The following MCIDAS variants were observed in gnomAD, a reference collection of about 807,000 sequenced individuals.
MCIDAS encodes the protein multicilin.
A neutral mutation model predicts 35.4 loss-of-function variants in MCIDAS; 23 were observed. The observed-to-expected ratio is 0.65, with a 90% CI of 0.47 to 0.92. The LOEUF is 0.92. MCIDAS is among the 40% of genes least tolerant of loss of function. The pLI, the probability that MCIDAS is intolerant of heterozygous loss-of-function variation, is 0.00. For missense variants in MCIDAS, 480 were observed against 531.8 expected, an observed-to-expected ratio of 0.90 and a Z score of 0.96; for synonymous variants, 228 against 235.2, an observed-to-expected ratio of 0.97 and a Z score of 0.28.
At chr5:55,226,454 C>T (rs1309287674) in intron 3 of MCIDAS, 122 bp downstream of exon 3, 2 of 947,686 alleles carry the variant, frequency 2.1e-6, no homozygotes, top group Non-Finnish European at 3.1e-6. Flanking sequence ...AATGCTTCCC[C>T]TCACCAGCTG....
rs958740944 is a variant in MCIDAS at position 55,226,439 on chromosome 5, T to C, written c.309+137A>G. ...TTCTGATCTGGGAGGCTCAGGTGCCTGCACAATGCTTCCCCTCACCAGCTG... is the reference window on the plus strand; with the variant it reads ...TTCTGATCTGGGAGGCTCAGGTGCCCGCACAATGCTTCCCCTCACCAGCTG... On this transcript the variant is annotated intron_variant, in intron 3 of 6. Coordinates refer to ENST00000513312, the MANE Select transcript of MCIDAS (RefSeq NM_001190787.3). 3 of 799,578 alleles carry C rather than the reference T, an allele frequency of 3.8e-6. No individual in the cohort carries two copies. In the African/African-American group the frequency reaches 5.3e-5, roughly 14 times the overall value. 49.5% of individuals were successfully genotyped at this position (799,578 alleles called of 1,614,324 possible).
chr5:55,221,426 G>A (rs891062390), intron 5 of MCIDAS, among the ~76,000 whole-genome samples: 1 of 151,904 alleles, frequency 6.6e-6, no homozygotes, highest in Non-Finnish European at 1.5e-5. Flanking sequence ...TTGTAAAACG[G>A]GGCTAGTAAG....
At chr5:55,226,786 C>G in intron 2 of MCIDAS, 49 bp downstream of exon 2, 2 of 1,389,150 alleles carry the variant, frequency 1.4e-6, no homozygotes, top group East Asian at 3.0e-5. Flanking sequence ...GCGCCGCACC[C>G]TCCCGGCGCG....
chr5:55,226,914 C>T lies in MCIDAS; in HGVS notation c.138G>A (p.Lys46=). The T allele has an allele frequency of 7.0e-7, 1 of 1,428,072 alleles. No individual in the cohort carries two copies. Among genetic ancestry groups the T allele is most frequent in the Admixed American group, 2.8e-5 (1 of 35,850 alleles). The allele number at this position is 1,428,072 out of a possible 1,614,324, so 88.5% of individuals were successfully genotyped here. ...TCCCGCCTGTGCATCCGGGGAAGAA[C>T]TTCCGCGGAGGAGCGAACTGGCCGG... ...KPERKFAPPR[K]FFPGCTGGSP... Residue 46 remains lysine, a synonymous_variant, in exon 2 of 7, where the codon AAG becomes AAA. Coordinates refer to ENST00000513312, the MANE Select transcript of MCIDAS (RefSeq NM_001190787.3).
chr5:55,222,371 C>T lies in MCIDAS; in HGVS notation c.411G>A (p.Leu137=). The change falls in exon 5 of 7, where the codon CTG becomes CTA. Residue 137 remains leucine (L), a synonymous_variant. Coordinates refer to ENST00000513312, the MANE Select transcript of MCIDAS (RefSeq NM_001190787.3). ...SDSSSMMSPT[L]ASGDFPFSPC... Reference sequence around the variant, plus strand: ...GAGAGAAGGGGAAGTCTCCGCTGGCCAGGGTAGGCGACATCATAGAGGATG... The same window carrying T: ...GAGAGAAGGGGAAGTCTCCGCTGGCTAGGGTAGGCGACATCATAGAGGATG... 1 of 1,524,876 alleles carries T rather than the reference C, an allele frequency of 6.6e-7. No homozygotes were observed. Among genetic ancestry groups the T allele is most frequent in the South Asian group, 1.2e-5 (1 of 82,716 alleles). The allele number at this position is 1,524,876 out of a possible 1,614,324, so 94.5% of individuals were successfully genotyped here.
chr5:55,220,860 C>T (rs755700969), intron 6 of MCIDAS, 54 bp from the exon 7 acceptor site: 32 of 1,493,292 alleles, frequency 2.1e-5, no homozygotes, highest in Non-Finnish European at 2.8e-5. Context: ...CCTCCGGGTT[C>T]GGAGCGTGCA....
chr5:55,227,207 C>T lies in MCIDAS; in HGVS notation c.-69G>A, dbSNP rs990966111. On this transcript the variant is annotated 5_prime_UTR_variant, in exon 1 of 7. Coordinates refer to ENST00000513312, the MANE Select transcript of MCIDAS (RefSeq NM_001190787.3). ...CCGGGCTGGGGCAGCGATCCACACC[C>T]TGCACTCCCTTCAGTGCCTGCAGGC... 4 of 1,387,392 alleles carry T rather than the reference C, an allele frequency of 2.9e-6. No homozygotes were observed. In the African/African-American group the frequency reaches 4.6e-5, roughly 16 times the overall value. The allele number at this position is 1,387,392 out of a possible 1,614,324, so 85.9% of individuals were successfully genotyped here.
In MCIDAS at chr5:55,223,937, T is replaced by C. The variant is rs1745410679; in HGVS notation, c.310-914A>G. 6.6e-6 allele frequency among the ~76,000 whole-genome samples: 1 copy of C among 152,188 alleles called. No homozygotes were observed. The highest frequency in any genetic ancestry group is 2.4e-5 in the African/African-American group (1 of 41,446). On this transcript the variant is annotated intron_variant, in intron 3 of 6. Coordinates refer to ENST00000513312, the MANE Select transcript of MCIDAS (RefSeq NM_001190787.3). This position sits in a 1 kb window ranked among gnomAD's most constrained non-coding sequence, Gnocchi z 4.4. ...GGGTGTGTGAGAGGAAAGGAGACCC[T>C]AAGGGGCTGGAGGCGCATAGGCCTT...
At chr5:55,221,600 T>A (rs1291561659) in intron 5 of MCIDAS, among the ~76,000 whole-genome samples, 3 of 152,160 alleles carry the variant, frequency 2.0e-5, no homozygotes, top group Non-Finnish European at 4.4e-5. Flanking sequence ...CACTTGTACC[T>A]CTAAATCCCC....
In MCIDAS at chr5:55,220,540, T is replaced by C; in HGVS notation, c.984A>G (p.Thr328=). Residue 328 remains threonine, a synonymous_variant, in exon 7 of 7, where the codon ACA becomes ACG. Transcript: ENST00000513312. The part of the protein sequence containing the change: ...NLHGAFRGLR[T]DCSRSALNLS... ...GGTTCAACGCGCTCCGGCTGCAGTC[T>C]GTGCGCAGCCCCCGGAAGGCGCCAT... 6.5e-7 allele frequency: 1 copy of C among 1,536,074 alleles called. No individual in the cohort carries two copies. The highest frequency in any genetic ancestry group is 8.7e-7 in the Non-Finnish European group (1 of 1,146,884).
rs1411957122 is a variant in MCIDAS at position 55,220,576 on chromosome 5, G to A, written c.948C>T (p.Pro316=). 1.1e-5 allele frequency: 17 copies of A among 1,536,086 alleles called. No homozygotes were observed. Among genetic ancestry groups the A allele is most frequent in the Admixed American group, 2.0e-5 (1 of 51,010 alleles). The change falls in exon 7 of 7, where the codon CCC becomes CCT. Residue 316 remains proline (P), a synonymous_variant. Coordinates refer to ENST00000513312, the MANE Select transcript of MCIDAS (RefSeq NM_001190787.3). ...CCCGGAAGGCGCCATGCAGGTTCCC[G>A]GGCCTGGTGTCAGTATTCGCGGGCT... The part of the protein sequence containing the change: ...LPEPANTDTR[P]GNLHGAFRGL...
rs761064821 is a variant in MCIDAS, at chr5:55,227,061, C to G, written c.78G>C (p.Pro26=). Residue 26 remains proline, a synonymous_variant, in exon 1 of 7, where the codon CCG becomes CCC. Coordinates refer to ENST00000513312, the MANE Select transcript of MCIDAS (RefSeq NM_001190787.3). ...SICPNRMLAL[P]GRALLCKPGK... The stretch of plus-strand genomic sequence containing the variant: ...CCGGCTTGCAGAGCAGCGCCCGGCC[C>G]GGCAGTGCCAGCATTCTGTTGGGGC... The G allele has an allele frequency of 6.6e-7, 1 of 1,519,894 alleles. No homozygotes were observed. Among genetic ancestry groups the G allele is most frequent in the Non-Finnish European group, 8.8e-7 (1 of 1,140,364 alleles). 94.2% of individuals were successfully genotyped at this position (1,519,894 alleles called of 1,614,324 possible). A position where few individuals can be genotyped will look rare whatever the true frequency, so the allele number is the denominator to read the frequency against.
chr5:55,226,950 G>A lies in MCIDAS; in HGVS notation c.121-19C>T, dbSNP rs181955833. ...GAGCGAACTGGCCGGGCACACAAACGTTGAACGCGGGTCAGCCCTCGGGGC... is the reference window on the plus strand; with the variant it reads ...GAGCGAACTGGCCGGGCACACAAACATTGAACGCGGGTCAGCCCTCGGGGC... On this transcript the variant is annotated intron_variant, in intron 1 of 6. Coordinates refer to ENST00000513312, the MANE Select transcript of MCIDAS (RefSeq NM_001190787.3). 8 of 1,479,038 alleles carry A rather than the reference G, an allele frequency of 5.4e-6. No homozygotes were observed. The highest frequency in any genetic ancestry group is 1.7e-4 in the Middle Eastern group (1 of 5,752). 91.6% of individuals were successfully genotyped at this position (1,479,038 alleles called of 1,614,324 possible).
chr5:55,220,750 G>A lies in MCIDAS; in HGVS notation c.774C>T (p.Leu258=), dbSNP rs372120150. The change falls in exon 7 of 7, where the codon CTC becomes CTT. Residue 258 remains leucine, a synonymous_variant. Coordinates refer to ENST00000513312, the MANE Select transcript of MCIDAS (RefSeq NM_001190787.3). The part of the protein sequence containing the change: ...DCGAAAEPFL[L]KAKAKRSLEE... The stretch of plus-strand genomic sequence containing the variant: ...CCAGGCTCCTTTTGGCCTTCGCCTT[G>A]AGCAGGAAGGGCTCGGCCGCCGCCC... The A allele has an allele frequency of 8.9e-4, 1,373 of 1,534,914 alleles. 17 individuals are homozygous for A. The South Asian group carries it at 0.015, about 17-fold the overall frequency.
rs1191529327 is a variant in MCIDAS at position 55,222,256 on chromosome 5, G to C, written c.526C>G (p.Pro176Ala). 6.5e-7 allele frequency: 1 copy of C among 1,536,098 alleles called. No individual in the cohort carries two copies. The highest frequency in any genetic ancestry group is 8.7e-7 in the Non-Finnish European group (1 of 1,146,918). The change falls in exon 5 of 7, where the codon CCC (proline) becomes GCC (alanine). Residue 176 changes from proline to alanine, a missense_variant. By Grantham distance (27) the Pro-to-Ala change is conservative. Coordinates refer to ENST00000513312, the MANE Select transcript of MCIDAS (RefSeq NM_001190787.3). Reference protein sequence around the residue: ...QSPPLRPPDVPPPEQYWKEVA... With the variant: ...QSPPLRPPDVAPPEQYWKEVA... ...TCCTTCCAGTATTGCTCAGGCGGGG[G>C]CACGTCTGGAGGGCGCAGCGGTGGT... is the stretch of plus-strand genomic sequence containing the variant.
In MCIDAS at chr5:55,223,303, C is replaced by G. The variant is rs1745396181; in HGVS notation, c.310-280G>C. On this transcript the variant is annotated intron_variant, in intron 3 of 6. Coordinates refer to ENST00000513312, the MANE Select transcript of MCIDAS (RefSeq NM_001190787.3). This position sits in a 1 kb window ranked among gnomAD's most constrained non-coding sequence, Gnocchi z 4.4. The stretch of plus-strand genomic sequence containing the variant: ...CCGAAAATTCAAGCCCCATCCGAGA[C>G]AGGGAACCCAGCAGGCTTGCACTGC... 6.6e-6 allele frequency among the ~76,000 whole-genome samples: 1 copy of G among 152,110 alleles called. No individual in the cohort carries two copies.
Position 55,227,236 on chromosome 5 carries a change from G to A in MCIDAS, c.-98C>T. ...ACTCCCTTCAGTGCCTGCAGGCTCC[G>A]AAGCCAGCCAGAGGTTGGGGCAGGC... On this transcript the variant is annotated 5_prime_UTR_variant, in exon 1 of 7. Transcript: ENST00000513312. The A allele has an allele frequency of 2.2e-6, 3 of 1,348,000 alleles. No homozygotes were observed. Among genetic ancestry groups the A allele is most frequent in the Middle Eastern group, 2.7e-4 (1 of 3,670 alleles). 83.5% of individuals were successfully genotyped at this position (1,348,000 alleles called of 1,614,324 possible).
In MCIDAS at chr5:55,222,405, G is replaced by A. The variant is rs1326085770; in HGVS notation, c.383-6C>T. 2.0e-6 allele frequency: 3 copies of A among 1,472,436 alleles called. No homozygotes were observed. Among genetic ancestry groups the A allele is most frequent in the South Asian group, 1.4e-5 (1 of 73,784 alleles). The allele number at this position is 1,472,436 out of a possible 1,614,324, so 91.2% of individuals were successfully genotyped here. ...CGACATCATAGAGGATGAGTCTGGAGAAGAGCAGGAGCTGGATTTGCAGCC... is the reference window on the plus strand; with the variant it reads ...CGACATCATAGAGGATGAGTCTGGAAAAGAGCAGGAGCTGGATTTGCAGCC... On this transcript the variant is annotated splice_region_variant and splice_polypyrimidine_tract_variant and intron_variant, in intron 4 of 6. Transcript: ENST00000513312.
At chr5:55,222,124 C>T in intron 5 of MCIDAS, 52 bp downstream of exon 5, 2 of 1,511,154 alleles carry the variant, frequency 1.3e-6, no homozygotes, top group Non-Finnish European at 1.8e-6. Flanking sequence ...CTTCCACCCT[C>T]TATATCCTGT....
Sources: gnomAD v4.1 joint callset for allele counts (sites outside exome capture counted in the v4.1 genomes callset) on GRCh38, gnomAD v4.1.1 for gene constraint, Gnocchi (gnomAD v3.1) non-coding constraint, MANE v1.5 for transcripts, NCBI Gene and HGNC (gene_info 2026-07-23, HGNC 2026-07-21) for gene names.